Variants in HK2 observed in about 807,000 individuals in gnomAD.
HK2 encodes hexokinase-2.
Under a neutral mutation model 92.9 loss-of-function variants are expected in HK2, and 42 were observed. The ratio of observed to expected loss-of-function variants is 0.45; its 90% CI spans 0.35 to 0.58. The LOEUF is 0.58. Among genes scored for constraint, HK2 ranks in the 20% least tolerant of loss-of-function variants. The pLI is 0.00. For missense variants in HK2, 978 were observed against 1,245.1 expected (o/e 0.79, Z 3.23); for synonymous variants, 422 against 468.0 (o/e 0.90, Z 1.27).
chr2:74,882,605 T>TTTATATATATATATATATATATATATATA (rs1553449959), intron 12 of HK2, among the ~76,000 whole-genome samples: 2 of 75,660 alleles, frequency 2.6e-5, no homozygotes, highest in Non-Finnish European at 6.1e-5. Context: ...TCTATTGAAC[T>TTTATATATATATATATATATATATATATA]TATATATATA....
intron 1 of HK2, among the ~76,000 whole-genome samples, chr2:74,847,687 C>T (rs1262419894): frequency 2.0e-5 from 3 of 150,160 alleles, no homozygotes; most frequent in East Asian, 2.0e-4. Flanking sequence ...CCTGGGCAGC[C>T]GAGCAAGACT....
intron 2 of HK2, 42 bp from the exon 3 acceptor site, chr2:74,867,594 A>G: frequency 1.2e-6 from 2 of 1,611,554 alleles, no homozygotes; most frequent in Non-Finnish European, 1.7e-6. Flanking sequence ...TTCCTGGAAG[A>G]ATTTTGCCCA....
At chr2:74,854,116 T>G (rs957906400) in intron 1 of HK2, among the ~76,000 whole-genome samples, 177 bp from the exon 2 acceptor site, 2 of 147,100 alleles carry the variant, frequency 1.4e-5, no homozygotes, top group African/African-American at 2.6e-5. Context: ...ATTTTTTGGT[T>G]TTTTTTTTTT....
In HK2 at chr2:74,892,348, A is replaced by G. The variant is rs1478788983; in HGVS notation, c.*1407A>G. On this transcript the variant is annotated 3_prime_UTR_variant, in exon 18 of 18. Transcript: ENST00000290573. ...ATTTTTGGTGTATTTGAGCCCTCCC[A>G]GCAAGTTTCACCTTGGGTTTGTATT... is the stretch of plus-strand genomic sequence containing the variant. The G allele has an allele frequency of 6.6e-6, 1 of 152,202 alleles. No individual in the cohort carries two copies. The highest frequency in any genetic ancestry group is 1.5e-5 in the Non-Finnish European group (1 of 68,040). The allele number at this position is 152,202 out of a possible 1,614,324, so 9.4% of individuals were successfully genotyped here.
At chr2:74,863,475 G>A (rs550358154) in intron 2 of HK2, among the ~76,000 whole-genome samples, 1 of 152,294 alleles carries the variant, frequency 6.6e-6, no homozygotes, top group Admixed American at 6.5e-5. Context: ...ATGGTGGCCG[G>A]CATTGCATTG....
intron 1 of HK2, among the ~76,000 whole-genome samples, chr2:74,838,771 C>T (rs1251740277): frequency 1.3e-5 from 2 of 152,098 alleles, no homozygotes; most frequent in African/African-American, 2.4e-5. Context: ...ATCTCCTGAC[C>T]TCGTGATCTG....
At chr2:74,845,538 T>C (rs537351509) in intron 1 of HK2, among the ~76,000 whole-genome samples, 1 of 152,320 alleles carries the variant, frequency 6.6e-6, no homozygotes, top group East Asian at 1.9e-4. Flanking sequence ...GACTGAGAAC[T>C]GGAAGAACAG....
At chr2:74,888,114 A>G in intron 16 of HK2, 56 bp downstream of exon 16, 1 of 1,572,782 alleles carries the variant, frequency 6.4e-7, no homozygotes, top group Non-Finnish European at 8.7e-7. Context: ...TCTCACTGGC[A>G]GACAAACTGA....
intron 2 of HK2, among the ~76,000 whole-genome samples, chr2:74,866,716 A>G (rs1210603854): frequency 6.6e-6 from 1 of 152,058 alleles, no homozygotes; most frequent in Non-Finnish European, 1.5e-5. Context: ...GCTCCCCCAC[A>G]GCTTTTCTGT....
At chr2:74,889,658 C>A (rs72910562) in intron 17 of HK2, among the ~76,000 whole-genome samples, 180 bp downstream of exon 17, 2 of 152,142 alleles carry the variant, frequency 1.3e-5, no homozygotes, top group Non-Finnish European at 2.9e-5. Flanking sequence ...TTTCACCCCC[C>A]ACCGTGGGAA....
chr2:74,869,663 GA>G (rs1175416482), intron 3 of HK2, among the ~76,000 whole-genome samples: 1 of 152,150 alleles, frequency 6.6e-6, no homozygotes, highest in Non-Finnish European at 1.5e-5. Flanking sequence ...GACCAGTAAG[GA>G]AAAGGAAACC....
chr2:74,861,428 A>G (rs1688823725), intron 2 of HK2, among the ~76,000 whole-genome samples: 1 of 151,950 alleles, frequency 6.6e-6, no homozygotes, highest in African/African-American at 2.4e-5. Context: ...AAAAAAAAAA[A>G]GGGAATGCAG....
chr2:74,853,590 G>T (rs534821980), intron 1 of HK2, among the ~76,000 whole-genome samples: 3 of 151,774 alleles, frequency 2.0e-5, no homozygotes, highest in African/African-American at 7.3e-5. Context: ...GGTGGCACGT[G>T]CCTGAAAGTC....
intron 2 of HK2, among the ~76,000 whole-genome samples, chr2:74,864,226 C>T (rs914678198): frequency 1.2e-4 from 18 of 152,192 alleles, no homozygotes; most frequent in African/African-American, 4.3e-4. Context: ...CAGATCTGAC[C>T]TTCTTAAGAA....
At chr2:74,836,712 G>T (rs1688174771) in intron 1 of HK2, among the ~76,000 whole-genome samples, 1 of 152,202 alleles carries the variant, frequency 6.6e-6, no homozygotes, top group South Asian at 2.1e-4. Flanking sequence ...TTAGGTGAGC[G>T]AAGCTGTTTG....
chr2:74,888,179 A>G, intron 16 of HK2, 121 bp downstream of exon 16: 1 of 1,012,186 alleles, frequency 9.9e-7, no homozygotes, highest in East Asian at 2.4e-5. Flanking sequence ...AGTGGCAAAC[A>G]CATTCATGTC....
intron 12 of HK2, among the ~76,000 whole-genome samples, chr2:74,884,549 T>C (rs1689475737): frequency 6.6e-6 from 1 of 152,118 alleles, no homozygotes; most frequent in South Asian, 2.1e-4. Flanking sequence ...TCTCTGAGGG[T>C]ATGTGCTTTG....
intron 2 of HK2, among the ~76,000 whole-genome samples, chr2:74,854,910 A>C (rs1238176143): frequency 6.6e-6 from 1 of 152,220 alleles, no homozygotes; most frequent in African/African-American, 2.4e-5. Flanking sequence ...AGTGTAGTGC[A>C]GATTGACCTA....
chr2:74,848,607 A>C (rs1320828309), intron 1 of HK2, among the ~76,000 whole-genome samples: 1 of 152,224 alleles, frequency 6.6e-6, no homozygotes, highest in Non-Finnish European at 1.5e-5. Context: ...GATCTTACAG[A>C]CTTAGACATT....
Sources: gnomAD v4.1 joint callset for allele counts (sites outside exome capture counted in the v4.1 genomes callset) on GRCh38, gnomAD v4.1.1 for gene constraint, MANE v1.5 for transcripts, NCBI Gene and HGNC (gene_info 2026-07-23, HGNC 2026-07-21) for gene names.